Variants in MAD1L1 observed in about 807,000 individuals in gnomAD.
MAD1L1 encodes mitotic spindle assembly checkpoint protein MAD1.
Under a neutral mutation model 96.9 loss-of-function variants are expected in MAD1L1, and 95 were observed. The observed-to-expected ratio is 0.98, with a 90% CI of 0.83 to 1.16. The LOEUF is 1.16. Among genes scored for constraint, MAD1L1 ranks in the 50% most tolerant of loss-of-function variants. MAD1L1 has a pLI of 0.00. For synonymous variants in MAD1L1, 473 were observed against 396.6 expected, an observed-to-expected ratio of 1.19 and a Z score of -2.29; for missense variants, 1,007 against 954.4, an observed-to-expected ratio of 1.06 and a Z score of -0.73.
chr7:2,106,025 C>T (rs1562692775), intron 11 of MAD1L1, among the ~76,000 whole-genome samples: 1 of 149,584 alleles, frequency 6.7e-6, no homozygotes, highest in East Asian at 2.0e-4. Flanking sequence ...CACATGGCCC[C>T]GCCCCTCCAT....
intron 12 of MAD1L1, among the ~76,000 whole-genome samples, chr7:2,042,918 C>G (rs1298585815): frequency 6.6e-6 from 1 of 151,592 alleles, no homozygotes; most frequent in Non-Finnish European, 1.5e-5. Flanking sequence ...TCCACGTCCA[C>G]GTCCACATCA....
chr7:2,069,403 C>A, intron 11 of MAD1L1, 65 bp from the exon 12 acceptor site: 2 of 1,440,596 alleles, frequency 1.4e-6, no homozygotes, highest in Non-Finnish European at 1.8e-6. Flanking sequence ...CAAGCCCCGC[C>A]CCACCCCAGG....
At chr7:1,833,954 A>T (rs928508921) in intron 18 of MAD1L1, among the ~76,000 whole-genome samples, 1 of 152,256 alleles carries the variant, frequency 6.6e-6, no homozygotes, top group African/African-American at 2.4e-5. Flanking sequence ...CTCCAAAAAA[A>T]GTAGAAGGAT....
chr7:2,113,898 C>A (rs900518172), intron 11 of MAD1L1, among the ~76,000 whole-genome samples: 6 of 152,194 alleles, frequency 3.9e-5, no homozygotes, highest in Non-Finnish European at 7.3e-5. Flanking sequence ...GGGGTCACGA[C>A]GACAGGAGAG....
At chr7:1,860,463 C>T (rs1482376239) in intron 18 of MAD1L1, among the ~76,000 whole-genome samples, 1 of 151,836 alleles carries the variant, frequency 6.6e-6, no homozygotes, top group East Asian at 2.0e-4. Context: ...TCCTGCAGGG[C>T]AGCCTCTGTC....
intron 13 of MAD1L1, among the ~76,000 whole-genome samples, chr7:2,009,000 C>G (rs549188081): frequency 6.6e-6 from 1 of 152,148 alleles, no homozygotes; most frequent in Non-Finnish European, 1.5e-5. Context: ...AAAACCAGTA[C>G]GAGCAGGCCC....
Position 2,103,779 on chromosome 7 carries a change from T to C in MAD1L1, c.1074-34441A>G, listed in dbSNP as rs1451516454. On this transcript the variant is annotated intron_variant, in intron 11 of 18. Coordinates refer to ENST00000265854, the MANE Select transcript of MAD1L1 (RefSeq NM_001013836.2). The surrounding 1 kb of genome is among the most constrained non-coding windows in gnomAD (Gnocchi z 4.3). The stretch of plus-strand genomic sequence containing the variant: ...GGCATAAGCAGACCCCCTGAACCAC[T>C]GTGCACGGAGTCCCTCCGCATCCCC... Among the ~76,000 whole-genome samples, 2 of 152,132 alleles carry C rather than the reference T, an allele frequency of 1.3e-5. No individual in the cohort carries two copies. Among genetic ancestry groups the C allele is most frequent in the East Asian group, 3.9e-4 (2 of 5,176 alleles).
At chr7:2,211,954 C>T (rs185428833) in intron 10 of MAD1L1, among the ~76,000 whole-genome samples, 12 of 152,298 alleles carry the variant, frequency 7.9e-5, no homozygotes, top group East Asian at 5.8e-4. Flanking sequence ...AATAAGAGGC[C>T]GCCTCGGCAC....
intron 17 of MAD1L1, among the ~76,000 whole-genome samples, chr7:1,902,370 C>G (rs920933571): frequency 6.6e-6 from 1 of 152,190 alleles, no homozygotes. Flanking sequence ...AATGCTTCTA[C>G]CTTGGCAGGG....
At chr7:1,900,164 C>T (rs903343452) in intron 17 of MAD1L1, among the ~76,000 whole-genome samples, 1 of 152,238 alleles carries the variant, frequency 6.6e-6, no homozygotes, top group Non-Finnish European at 1.5e-5. Context: ...GCTATGACAG[C>T]TATGAACACG....
intron 11 of MAD1L1, among the ~76,000 whole-genome samples, chr7:2,076,865 G>A (rs1010356225): frequency 2.0e-5 from 3 of 150,938 alleles, no homozygotes; most frequent in Non-Finnish European, 2.9e-5. Context: ...ACAACATGGT[G>A]AGCCTGTGGC....
intron 12 of MAD1L1, among the ~76,000 whole-genome samples, chr7:2,052,777 G>A (rs1291981227): frequency 6.6e-6 from 1 of 152,214 alleles, no homozygotes; most frequent in African/African-American, 2.4e-5. Context: ...GCATGGGCAT[G>A]GCCCTGGCGC....
chr7:2,000,354 C>A (rs1041837585), intron 14 of MAD1L1, among the ~76,000 whole-genome samples: 6 of 152,188 alleles, frequency 3.9e-5, no homozygotes, highest in African/African-American at 1.4e-4. Context: ...TGCGGCCCTG[C>A]ACAGAGCAGC....
At chr7:1,820,917 TA>T (rs1476627011) in intron 18 of MAD1L1, among the ~76,000 whole-genome samples, 2 of 151,684 alleles carry the variant, frequency 1.3e-5, no homozygotes, top group African/African-American at 4.8e-5. Context: ...CCATCTCTAC[TA>T]AAAATACAAA....
At chr7:2,212,630 C>A (rs1793008479) in intron 10 of MAD1L1, among the ~76,000 whole-genome samples, 1 of 152,130 alleles carries the variant, frequency 6.6e-6, no homozygotes, top group African/African-American at 2.4e-5. Flanking sequence ...CGTGCCTGTT[C>A]CCCCTTCACC....
chr7:1,970,775 A>G (rs1286242191), intron 15 of MAD1L1, among the ~76,000 whole-genome samples: 6 of 152,192 alleles, frequency 3.9e-5, no homozygotes, highest in African/African-American at 1.4e-4. Flanking sequence ...AGAATTGTAG[A>G]TCATTGCTGG....
At chr7:2,126,372 C>A (rs1279069559) in intron 11 of MAD1L1, among the ~76,000 whole-genome samples, 1 of 152,166 alleles carries the variant, frequency 6.6e-6, no homozygotes, top group Non-Finnish European at 1.5e-5. Flanking sequence ...CTCGGGCATG[C>A]ACAGAAAGGG....
intron 10 of MAD1L1, among the ~76,000 whole-genome samples, chr7:2,170,596 T>A (rs1584476825): frequency 6.6e-6 from 1 of 151,918 alleles, no homozygotes; most frequent in Non-Finnish European, 1.5e-5. Context: ...TTGAGCAGGG[T>A]CTCGTGGTCA....
intron 18 of MAD1L1, among the ~76,000 whole-genome samples, chr7:1,871,921 G>T (rs1301933215): frequency 6.6e-6 from 1 of 152,206 alleles, no homozygotes; most frequent in East Asian, 1.9e-4. Flanking sequence ...TGAGAAGAGA[G>T]GGGGCAGAAC....
Sources: gnomAD v4.1 joint callset for allele counts (sites outside exome capture counted in the v4.1 genomes callset) on GRCh38, gnomAD v4.1.1 for gene constraint, Gnocchi (gnomAD v3.1) non-coding constraint, MANE v1.5 for transcripts, NCBI Gene and HGNC (gene_info 2026-07-23, HGNC 2026-07-21) for gene names.